The following SSR2 variants were observed in gnomAD, a reference collection of about 807,000 sequenced individuals.
SSR2 encodes signal sequence receptor subunit 2, also known as translocon-associated protein subunit beta.
A neutral mutation model predicts 22.6 loss-of-function variants in SSR2; 16 were observed. The observed-to-expected ratio is 0.71, with a 90% CI of 0.48 to 1.08. The LOEUF is 1.08. Among genes scored for constraint, SSR2 ranks in the 50% least tolerant of loss-of-function variants. The pLI is 0.00. For synonymous variants in SSR2, 83 were observed against 91.2 expected (o/e 0.91, Z 0.51); for missense variants, 171 against 221.6 (o/e 0.77, Z 1.45).
At chr1:156,015,453 C>A (rs962206113) in intron 3 of SSR2, among the ~76,000 whole-genome samples, 4 of 120,682 alleles carry the variant, frequency 3.3e-5, no homozygotes, top group Admixed American at 1.2e-4. Context: ...GTTGAGTGAG[C>A]CGAGATTGTG....
At chr1:156,016,589 C>A (rs28568795) in intron 3 of SSR2, among the ~76,000 whole-genome samples, 46 of 149,728 alleles carry the variant, frequency 3.1e-4, no homozygotes, top group Non-Finnish European at 5.9e-4. Context: ...ATTGAAAATA[C>A]AAAAAAAAAA....
intron 3 of SSR2, among the ~76,000 whole-genome samples, chr1:156,016,276 C>G (rs190096326): frequency 1.5e-3 from 223 of 152,068 alleles, no homozygotes; most frequent in African/African-American, 4.9e-3. Flanking sequence ...CTCCGTCGCC[C>G]AGGCTGAAGT....
rs549355288 is a variant in SSR2 at position 156,016,472 on chromosome 1, G to A, written c.255-1403C>T. Among the ~76,000 whole-genome samples the A allele has an allele frequency of 2.2e-4, 34 of 151,880 alleles. No individual in the cohort carries two copies. In the South Asian group the frequency reaches 2.5e-3, roughly 11 times the overall value. On this transcript the variant is annotated intron_variant, in intron 3 of 5. Transcript: ENST00000295702. ...AGGATGGTCTCGATCTCCTGACCTC[G>A]TGATCCACCCGCCTCGGCCTCCCAA...
intron 3 of SSR2, among the ~76,000 whole-genome samples, chr1:156,015,505 CAAAAAAAAAAAA>C (rs1169214264): frequency 1.2e-4 from 5 of 41,032 alleles, no homozygotes; most frequent in African/African-American, 4.1e-4. Context: ...GACTCCGCCT[CAAAAAAAAAAAA>C]AAAAAAAAAA....
At chr1:156,020,424 C>G (rs374101844) in intron 1 of SSR2, 1 of 407,180 alleles carries the variant, frequency 2.5e-6, no homozygotes, top group African/African-American at 2.0e-5. Flanking sequence ...GGATGCCCAC[C>G]GGCTGGTGGA....
chr1:156,014,319 C>G (rs1291400910), intron 4 of SSR2: 1 of 152,286 alleles, frequency 6.6e-6, no homozygotes, highest in Non-Finnish European at 1.5e-5. Context: ...CCATGTTGCC[C>G]AGGCTGGTCT....
At position 156,020,184 on chromosome 1, in the gene SSR2, A is replaced by C. The variant is rs746667049; in HGVS notation, c.1-17T>G. 1.2e-6 allele frequency: 2 copies of C among 1,612,666 alleles called. No homozygotes were observed. Among genetic ancestry groups the C allele is most frequent in the African/African-American group, 1.3e-5 (1 of 74,834 alleles). Reference sequence around the variant, plus strand: ...CAGCCTCATCTTTAGAGAAAAAAGCAAAGTGAGTTATCAAACCAAGTACGT... The same window carrying C: ...CAGCCTCATCTTTAGAGAAAAAAGCCAAGTGAGTTATCAAACCAAGTACGT... On this transcript the variant is annotated splice_polypyrimidine_tract_variant and intron_variant, in intron 1 of 5. Coordinates refer to ENST00000295702, the MANE Select transcript of SSR2 (RefSeq NM_003145.4).
chr1:156,018,174 C>T (rs1683087573), intron 3 of SSR2, 96 bp downstream of exon 3: 4 of 858,872 alleles, frequency 4.7e-6, no homozygotes, highest in Non-Finnish European at 7.8e-6. Flanking sequence ...AGGAGGACAG[C>T]CACACATATC....
intron 2 of SSR2, among the ~76,000 whole-genome samples, chr1:156,019,511 A>T (rs1278666681): frequency 6.6e-6 from 1 of 152,024 alleles, no homozygotes; most frequent in Non-Finnish European, 1.5e-5. Flanking sequence ...CAGCCTCCCG[A>T]GTAGCTGGGA....
At chr1:156,017,685 A>G (rs1683077329) in intron 3 of SSR2, among the ~76,000 whole-genome samples, 3 of 142,096 alleles carry the variant, frequency 2.1e-5, no homozygotes, top group Admixed American at 7.3e-5. Context: ...ACCTTTGTCC[A>G]GCCACAAACA....
At chr1:156,015,393 GC>G (rs976754825) in intron 3 of SSR2, among the ~76,000 whole-genome samples, 2 of 149,504 alleles carry the variant, frequency 1.3e-5, no homozygotes, top group Non-Finnish European at 3.0e-5. Flanking sequence ...TGCAGTCCCA[GC>G]TACTCGGGAG....
intron 2 of SSR2, chr1:156,019,145 T>C (rs1381845492): frequency 1.3e-5 from 4 of 303,676 alleles, no homozygotes; most frequent in Non-Finnish European, 2.8e-5. Flanking sequence ...CTTGGTTCTG[T>C]TGCACTGAAG....
At position 156,009,324 on chromosome 1, in the gene SSR2, GT is replaced by G; in HGVS notation, c.*215del. On this transcript the variant is annotated 3_prime_UTR_variant, in exon 6 of 6. Coordinates refer to ENST00000295702, the MANE Select transcript of SSR2 (RefSeq NM_003145.4). ...CAAGGCTATTGCCAAAGGCATTCCT[GT>G]TTATGGCTTCACGATGGAACCAAGG... The G allele has an allele frequency of 2.0e-6, 1 of 503,928 alleles. No homozygotes were observed. The allele number at this position is 503,928 out of a possible 1,614,324, so 31.2% of individuals were successfully genotyped here.
Position 156,009,483 on chromosome 1 carries a change from G to A in SSR2, c.*57C>T. 1 of 1,360,382 alleles carries A rather than the reference G, an allele frequency of 7.4e-7. No individual in the cohort carries two copies. The highest frequency in any genetic ancestry group is 2.3e-5 in the East Asian group (1 of 43,718). The allele number at this position is 1,360,382 out of a possible 1,614,324, so 84.3% of individuals were successfully genotyped here. ...CCCTTTGGAGTCTGGAAAGCACCTG[G>A]ATTTCTTGGGAGAGGAGCCTGGATT... On this transcript the variant is annotated 3_prime_UTR_variant, in exon 6 of 6. Transcript: ENST00000295702.
intron 4 of SSR2, chr1:156,014,688 C>G (rs1175242654): frequency 4.0e-6 from 1 of 252,990 alleles, no homozygotes; most frequent in Non-Finnish European, 7.9e-6. Flanking sequence ...ATTACAGGCG[C>G]CTGCCACCAC....
At position 156,011,803 on chromosome 1, in the gene SSR2, A is replaced by G; in HGVS notation, c.441+7T>C. On this transcript the variant is annotated splice_region_variant and intron_variant, in intron 5 of 5. Transcript: ENST00000295702. ...GAACTGATGAGAGAGAACACTAGAAAGCTTACAAAATGAGGGGAGAATCGC... is the reference window on the plus strand; with the variant it reads ...GAACTGATGAGAGAGAACACTAGAAGGCTTACAAAATGAGGGGAGAATCGC... 1 of 1,612,788 alleles carries G rather than the reference A, an allele frequency of 6.2e-7. No individual in the cohort carries two copies. Among genetic ancestry groups the G allele is most frequent in the Non-Finnish European group, 8.5e-7 (1 of 1,178,908 alleles).
At position 156,009,653 on chromosome 1, in the gene SSR2, G is replaced by C; in HGVS notation, c.442-3C>G. The C allele has an allele frequency of 6.3e-7, 1 of 1,596,092 alleles. No homozygotes were observed. The highest frequency in any genetic ancestry group is 8.5e-7 in the Non-Finnish European group (1 of 1,172,828). ...ACCCCAAAGGCTGCCCAGTCCAGCT[G>C]TAAAGGAAAACAAAGACCTTGCTTA... is the stretch of plus-strand genomic sequence containing the variant. On this transcript the variant is annotated splice_region_variant and splice_polypyrimidine_tract_variant and intron_variant, in intron 5 of 5. Transcript: ENST00000295702.
At chr1:156,015,942 G>C (rs1683048139) in intron 3 of SSR2, among the ~76,000 whole-genome samples, 1 of 151,978 alleles carries the variant, frequency 6.6e-6, no homozygotes, top group East Asian at 2.0e-4. Flanking sequence ...CCTGAGGTCA[G>C]AAGTTCGAGA....
intron 3 of SSR2, among the ~76,000 whole-genome samples, chr1:156,016,911 A>C (rs946986402): frequency 6.6e-6 from 1 of 152,222 alleles, no homozygotes; most frequent in Non-Finnish European, 1.5e-5. Context: ...TTCTACCATT[A>C]TAAGTTCCCT....
Sources: allele counts gnomAD v4.1 joint callset (sites outside exome capture counted in the v4.1 genomes callset), GRCh38; gene constraint gnomAD v4.1.1; transcripts MANE v1.5; gene names NCBI Gene and HGNC (gene_info 2026-07-23, HGNC 2026-07-21).